PDE1C: variants seen among roughly 807,000 people sequenced by gnomAD.
PDE1C encodes the protein dual specificity calcium/calmodulin-dependent 3',5'-cyclic nucleotide phosphodiesterase 1C.
Under a neutral mutation model 93.1 loss-of-function variants are expected in PDE1C, and 62 were observed. That is an observed-to-expected ratio of 0.67 (90% CI 0.54 to 0.82). The LOEUF is 0.82. Ranked by LOEUF, PDE1C falls within the 40% of genes least tolerant of loss-of-function variation. The pLI, the probability that PDE1C is intolerant of heterozygous loss-of-function variation, is 0.00. For missense variants in PDE1C, 742 were observed against 884.6 expected, an observed-to-expected ratio of 0.84 and a Z score of 2.04; for synonymous variants, 325 against 310.1, an observed-to-expected ratio of 1.05 and a Z score of -0.50.
chr7:31,868,600 G>A lies in PDE1C; in HGVS notation c.610-3518C>T, dbSNP rs140447007. Among the ~76,000 whole-genome samples the A allele has an allele frequency of 3.3e-5, 5 of 152,086 alleles. No homozygotes were observed. In the East Asian group the frequency reaches 9.7e-4, roughly 29 times the overall value. ...TTTTCAGGGTCCCCAAAAGCAAAGAGGAAACAAAAGAGTCAGAAAACCTAT... is the reference window on the plus strand; with the variant it reads ...TTTTCAGGGTCCCCAAAAGCAAAGAAGAAACAAAAGAGTCAGAAAACCTAT... On this transcript the variant is annotated intron_variant, in intron 6 of 17. Transcript: ENST00000396191.
At chr7:32,295,234 C>A (rs1295615384) in intron 1 of PDE1C, among the ~76,000 whole-genome samples, 2 of 152,140 alleles carry the variant, frequency 1.3e-5, no homozygotes, top group African/African-American at 4.8e-5. Flanking sequence ...AACAAACTCC[C>A]AGATCCCTCT....
chr7:31,793,844 A>T (rs1784866234), intron 16 of PDE1C, among the ~76,000 whole-genome samples: 1 of 151,966 alleles, frequency 6.6e-6, no homozygotes, highest in Non-Finnish European at 1.5e-5. Context: ...CCTAAATAAT[A>T]GAGCATATTA....
chr7:31,624,925 A>T, the PDE1C span, among the ~76,000 whole-genome samples: 1 of 152,234 alleles, frequency 6.6e-6, no homozygotes, highest in Admixed American at 6.5e-5. Context: ...CAAATTTACA[A>T]GAAAAAAACA....
At chr7:32,188,156 C>T in intron 2 of PDE1C, among the ~76,000 whole-genome samples, 1 of 151,040 alleles carries the variant, frequency 6.6e-6, no homozygotes, top group East Asian at 2.0e-4. Flanking sequence ...TTTTTCTTTG[C>T]AGGCAAACAT....
intron 10 of PDE1C, among the ~76,000 whole-genome samples, chr7:31,837,556 A>G (rs1791276388): frequency 6.6e-6 from 1 of 152,222 alleles, no homozygotes; most frequent in Non-Finnish European, 1.5e-5. Flanking sequence ...GAGAGCAAGA[A>G]TCCAAGAGTC....
chr7:31,885,073 G>A lies in PDE1C; in HGVS notation c.129-4213C>T, dbSNP rs77643695. ...AATGTCCTCAGAGGCCAGGTCCCAT[G>A]GTATGCTGCAGCCTATATTTTGGGA... On this transcript the variant is annotated intron_variant, in intron 2 of 17. Coordinates refer to ENST00000396191, the MANE Select transcript of PDE1C (RefSeq NM_001191057.4). Among the ~76,000 whole-genome samples the A allele has an allele frequency of 1.0e-2, 1,515 of 152,238 alleles. 14 individuals carry two copies. The highest frequency in any genetic ancestry group is 0.018 in the Non-Finnish European group (1,196 of 68,014).
chr7:32,240,423 G>T (rs1307131193), intron 1 of PDE1C, among the ~76,000 whole-genome samples: 2 of 152,172 alleles, frequency 1.3e-5, no homozygotes, highest in Admixed American at 1.3e-4. Context: ...AGGAAAGGCA[G>T]AAAACAAACA....
chr7:32,082,860 C>A (rs2128738325), intron 3 of PDE1C, among the ~76,000 whole-genome samples: 1 of 151,920 alleles, frequency 6.6e-6, no homozygotes, highest in Middle Eastern at 3.4e-3. Context: ...TGTACATCAC[C>A]ATCATCAAAG....
intron 2 of PDE1C, among the ~76,000 whole-genome samples, chr7:32,032,967 G>A (rs961922356): frequency 2.6e-5 from 4 of 152,092 alleles, no homozygotes; most frequent in African/African-American, 9.7e-5. Flanking sequence ...CTGGAGATGG[G>A]GAAAGACCAG....
intron 1 of PDE1C, among the ~76,000 whole-genome samples, chr7:32,063,547 C>G (rs928247338): frequency 1.7e-4 from 26 of 152,200 alleles, no homozygotes; most frequent in African/African-American, 6.0e-4. Flanking sequence ...TTGTAATTAA[C>G]TAATACACTA....
intron 11 of PDE1C, among the ~76,000 whole-genome samples, chr7:31,836,852 C>T (rs1438682155): frequency 6.6e-6 from 1 of 151,882 alleles, no homozygotes; most frequent in East Asian, 1.9e-4. Context: ...TAGGGTGATG[C>T]CAAAGTAACT....
At position 32,276,680 on chromosome 7, in the gene PDE1C, A is replaced by AAATAAT. The variant is rs146962661; in HGVS notation, c.85+21965_85+21970dup. Among the ~76,000 whole-genome samples the AAATAAT allele has an allele frequency of 2.0e-5, 3 of 151,962 alleles. No individual in the cohort carries two copies. In the South Asian group the frequency reaches 6.2e-4, roughly 32 times the overall value. ...GAAAGTTGTTTAATCTTTTCCATGG[A>AAATAAT]AATAATAATAATAATAATAACTATC... On this transcript the variant is annotated intron_variant, in intron 1 of 18. Coordinates refer to the PDE1C transcript ENST00000396193.
At chr7:32,155,138 G>A (rs1801493643) in intron 3 of PDE1C, among the ~76,000 whole-genome samples, 2 of 152,198 alleles carry the variant, frequency 1.3e-5, no homozygotes, top group Admixed American at 6.5e-5. Context: ...ATCAAAACCA[G>A]AGAACACAGA....
chr7:31,978,642 A>AGGT (rs1350585674), intron 2 of PDE1C, among the ~76,000 whole-genome samples: 1 of 152,136 alleles, frequency 6.6e-6, no homozygotes, highest in Non-Finnish European at 1.5e-5. Flanking sequence ...CTTCACAGCA[A>AGGT]CCTGTAGATG....
intron 1 of PDE1C, among the ~76,000 whole-genome samples, chr7:32,230,330 C>A (rs977124631): frequency 6.6e-6 from 1 of 152,206 alleles, no homozygotes; most frequent in East Asian, 1.9e-4. Context: ...TTAATTTGCT[C>A]TTCCTTGGAA....
intron 3 of PDE1C, among the ~76,000 whole-genome samples, chr7:32,167,195 T>C (rs961647079): frequency 6.6e-6 from 1 of 152,226 alleles, no homozygotes; most frequent in Non-Finnish European, 1.5e-5. Flanking sequence ...ACTGTCCCTT[T>C]GCTCTGAAAA....
intron 2 of PDE1C, among the ~76,000 whole-genome samples, chr7:32,205,779 AAAC>A (rs1562577013): frequency 6.6e-6 from 1 of 152,188 alleles, no homozygotes; most frequent in Non-Finnish European, 1.5e-5. Context: ...ACCCCAAGGA[AAAC>A]AACTCCAGAC....
At position 31,816,165 on chromosome 7, in the gene PDE1C, G is replaced by A. The variant is rs1010367322; in HGVS notation, c.1583-11C>T. ...TCTTGGCCTTCTCCTCTGCATCCATGGCAAGTTGGGAAAGCCACAGAAAAG... is the reference window on the plus strand; with the variant it reads ...TCTTGGCCTTCTCCTCTGCATCCATAGCAAGTTGGGAAAGCCACAGAAAAG... On this transcript the variant is annotated splice_polypyrimidine_tract_variant and intron_variant, in intron 14 of 17. Transcript: ENST00000396191. The A allele has an allele frequency of 6.2e-7, 1 of 1,609,810 alleles. No homozygotes were observed. The highest frequency in any genetic ancestry group is 8.5e-7 in the Non-Finnish European group (1 of 1,178,168).
At chr7:31,920,861 C>G (rs1802535151) in intron 2 of PDE1C, among the ~76,000 whole-genome samples, 1 of 152,154 alleles carries the variant, frequency 6.6e-6, no homozygotes, top group Non-Finnish European at 1.5e-5. Context: ...ATCCTGTCCA[C>G]CAGAAAACTC....
Sources: gnomAD v4.1 joint callset for allele counts (sites outside exome capture counted in the v4.1 genomes callset) on GRCh38, gnomAD v4.1.1 for gene constraint, MANE v1.5 for transcripts, NCBI Gene and HGNC (gene_info 2026-07-23, HGNC 2026-07-21) for gene names.